Variants in CAMK2N2 observed in about 807,000 individuals in gnomAD.
The protein encoded by CAMK2N2 is calcium/calmodulin-dependent protein kinase II inhibitor 2.
A neutral mutation model predicts 7.8 loss-of-function variants in CAMK2N2; 3 were observed. The observed-to-expected ratio is 0.38, with a 90% CI of 0.18 to 0.99. CAMK2N2 has a LOEUF of 0.99. CAMK2N2 is among the 50% of genes least tolerant of loss of function. The pLI, the probability that CAMK2N2 is intolerant of heterozygous loss-of-function variation, is 0.37. For missense variants in CAMK2N2, 85 were observed against 108.4 expected, an observed-to-expected ratio of 0.78 and a Z score of 0.96; for synonymous variants, 45 against 46.6, an observed-to-expected ratio of 0.97 and a Z score of 0.14.
rs760755093 is a variant in CAMK2N2, at chr3:184,261,246, G to A, written c.40C>T (p.Arg14Cys). The A allele has an allele frequency of 3.1e-6, 5 of 1,599,516 alleles. No homozygotes were observed. The highest frequency in any genetic ancestry group is 4.3e-6 in the Non-Finnish European group (5 of 1,175,148). The change falls in exon 1 of 2, where the codon CGC (arginine) becomes TGC (cysteine). Residue 14 changes from arginine to cysteine, a missense_variant. Transcript: ENST00000296238. The surrounding 1 kb of genome is among the most constrained non-coding windows in gnomAD (Gnocchi z 5.1). Reference sequence around the variant, plus strand: ...GAGCCCTCGGGGTCTGCGCCGAAGCGGCCCATCTTGTCTTCGCTGTAGGGC... The same window carrying A: ...GAGCCCTCGGGGTCTGCGCCGAAGCAGCCCATCTTGTCTTCGCTGTAGGGC... ...ILPYSEDKMG[R>C]FGADPEGSDL...
rs1720031142 is a variant in CAMK2N2, at chr3:184,261,126, C to T, written c.160G>A (p.Ala54Thr). Reference sequence around the variant, plus strand: ...GGCCCGGGCCGCGTACCTCGCTTGGCTCGGCCGATCTGGCCCAGCTTGGGG... The same window carrying T: ...GGCCCGGGCCGCGTACCTCGCTTGGTTCGGCCGATCTGGCCCAGCTTGGGG... ...RPPKLGQIGR[A>T]KRVVIEDDRI... Residue 54 changes from alanine (A) to threonine (T), a missense_variant, in exon 1 of 2, where the codon GCC (alanine) becomes ACC (threonine). Physicochemically the swap from Ala to Thr is moderately conservative, Grantham distance 58. Coordinates refer to ENST00000296238, the MANE Select transcript of CAMK2N2 (RefSeq NM_033259.3). The surrounding 1 kb of genome is among the most constrained non-coding windows in gnomAD (Gnocchi z 5.1). 4.4e-6 allele frequency: 7 copies of T among 1,602,480 alleles called. No homozygotes were observed. In the East Asian group the frequency reaches 1.6e-4, roughly 37 times the overall value.
In CAMK2N2 at chr3:184,260,113, C is replaced by T. The variant is rs1293623732; in HGVS notation, c.*44G>A. On this transcript the variant is annotated 3_prime_UTR_variant, in exon 2 of 2. Coordinates refer to ENST00000296238, the MANE Select transcript of CAMK2N2 (RefSeq NM_033259.3). This position sits in a 1 kb window ranked among gnomAD's most constrained non-coding sequence, Gnocchi z 6.6. The stretch of plus-strand genomic sequence containing the variant: ...CGCATCGCCGGCCCGCGCTCCTGGC[C>T]GCTGCGAGGCTGGGCCCGGAGCCCG... The T allele has an allele frequency of 7.9e-7, 1 of 1,271,132 alleles. No individual in the cohort carries two copies. Among genetic ancestry groups the T allele is most frequent in the Non-Finnish European group, 1.0e-6 (1 of 988,442 alleles). The allele number at this position is 1,271,132 out of a possible 1,614,324, so 78.7% of individuals were successfully genotyped here. A position where few individuals can be genotyped will look rare whatever the true frequency, so the allele number is the denominator to read the frequency against.
In CAMK2N2 at chr3:184,260,042, C is replaced by G. The variant is rs1269463974; in HGVS notation, c.*115G>C. On this transcript the variant is annotated 3_prime_UTR_variant, in exon 2 of 2. Transcript: ENST00000296238. This position sits in a 1 kb window ranked among gnomAD's most constrained non-coding sequence, Gnocchi z 6.6. ...CGGCGGCGGCGGCACGGCCCTGCAG[C>G]CCCCGCCCGCGGGCGCCTGGGCCGG... The G allele has an allele frequency of 2.5e-6, 1 of 395,358 alleles. No individual in the cohort carries two copies. The highest frequency in any genetic ancestry group is 1.7e-4 in the East Asian group (1 of 6,054). 24.5% of individuals were successfully genotyped at this position (395,358 alleles called of 1,614,324 possible).
In CAMK2N2 at chr3:184,259,719, G is replaced by A. The variant is rs1381774076; in HGVS notation, c.*438C>T. On this transcript the variant is annotated 3_prime_UTR_variant, in exon 2 of 2. Transcript: ENST00000296238. Reference sequence around the variant, plus strand: ...ACGGCCCGGAGGACTGGGCTCAAGTGGGTGGAAAGCTCATGCAAGTACGCA... The same window carrying A: ...ACGGCCCGGAGGACTGGGCTCAAGTAGGTGGAAAGCTCATGCAAGTACGCA... 1 of 152,468 alleles carries A rather than the reference G, an allele frequency of 6.6e-6. No individual in the cohort carries two copies. The highest frequency in any genetic ancestry group is 1.5e-5 in the Non-Finnish European group (1 of 68,120). The allele number at this position is 152,468 out of a possible 1,614,324, so 9.4% of individuals were successfully genotyped here.
Position 184,261,063 on chromosome 3 carries a change from C to G in CAMK2N2, c.169+54G>C. 6.7e-7 allele frequency: 1 copy of G among 1,495,338 alleles called. No individual in the cohort carries two copies. The highest frequency in any genetic ancestry group is 1.4e-5 in the African/African-American group (1 of 69,068). The allele number at this position is 1,495,338 out of a possible 1,614,324, so 92.6% of individuals were successfully genotyped here. ...TCGGCGGGGAACGGCAGCCGGGGGG[C>G]GCCCGGCGGAGGGTTTCTGGGTCAG... On this transcript the variant is annotated intron_variant, in intron 1 of 1. Transcript: ENST00000296238. The surrounding 1 kb of genome is among the most constrained non-coding windows in gnomAD (Gnocchi z 5.1).
chr3:184,261,240 C>G lies in CAMK2N2; in HGVS notation c.46G>C (p.Gly16Arg). 1 of 1,600,744 alleles carries G rather than the reference C, an allele frequency of 6.2e-7. No homozygotes were observed. Among genetic ancestry groups the G allele is most frequent in the Middle Eastern group, 1.7e-4 (1 of 5,962 alleles). ...AGGTCGGAGCCCTCGGGGTCTGCGC[C>G]GAAGCGGCCCATCTTGTCTTCGCTG... ...PYSEDKMGRF[G>R]ADPEGSDLSF... Residue 16 changes from glycine to arginine, a missense_variant, in exon 1 of 2, where the codon GGC becomes CGC. Coordinates refer to ENST00000296238, the MANE Select transcript of CAMK2N2 (RefSeq NM_033259.3). The surrounding 1 kb of genome is among the most constrained non-coding windows in gnomAD (Gnocchi z 5.1).
Position 184,260,187 on chromosome 3 carries a change from C to G in CAMK2N2, c.210G>C (p.Gly70=). The G allele has an allele frequency of 3.7e-6, 6 of 1,610,082 alleles. No individual in the cohort carries two copies. The highest frequency in any genetic ancestry group is 5.1e-6 in the Non-Finnish European group (6 of 1,178,286). The change falls in exon 2 of 2, where the codon GGG becomes GGC. Residue 70 remains glycine, a synonymous_variant. Transcript: ENST00000296238. This position sits in a 1 kb window ranked among gnomAD's most constrained non-coding sequence, Gnocchi z 6.6. ...EDDRIDDVLK[G]MGEKPPSGV is the part of the protein sequence containing the mutation. ...CTCCGGACGGCGGCTTCTCCCCCAT[C>G]CCCTTCAGCACGTCGTCTATCCGGT...
chr3:184,260,981 T>G lies in CAMK2N2; in HGVS notation c.169+136A>C. 1 of 922,780 alleles carries G rather than the reference T, an allele frequency of 1.1e-6. No homozygotes were observed. Among genetic ancestry groups the G allele is most frequent in the Non-Finnish European group, 1.5e-6 (1 of 657,212 alleles). The allele number at this position is 922,780 out of a possible 1,614,324, so 57.2% of individuals were successfully genotyped here. On this transcript the variant is annotated intron_variant, in intron 1 of 1. Coordinates refer to ENST00000296238, the MANE Select transcript of CAMK2N2 (RefSeq NM_033259.3). This position sits in a 1 kb window ranked among gnomAD's most constrained non-coding sequence, Gnocchi z 6.6. ...ACACACTGCAGCGGGGACCCCCCCC[T>G]CCAGCCCGGGCTGGAGAGCGGCTGG...
chr3:184,260,361 G>A lies in CAMK2N2; in HGVS notation c.170-134C>T. On this transcript the variant is annotated intron_variant, in intron 1 of 1. Coordinates refer to ENST00000296238, the MANE Select transcript of CAMK2N2 (RefSeq NM_033259.3). The surrounding 1 kb of genome is among the most constrained non-coding windows in gnomAD (Gnocchi z 6.6). ...GCCCCTCGGAACCCTGTGCCGCGGT[G>A]TCCTCCCCGTCCGAACTCTTCTGGA... is the stretch of plus-strand genomic sequence containing the variant. 3 of 722,184 alleles carry A rather than the reference G, an allele frequency of 4.2e-6. No homozygotes were observed. The South Asian group carries it at 5.6e-5, about 13-fold the overall frequency. 44.7% of individuals were successfully genotyped at this position (722,184 alleles called of 1,614,324 possible).
At position 184,260,275 on chromosome 3, in the gene CAMK2N2, G is replaced by A; in HGVS notation, c.170-48C>T. The A allele has an allele frequency of 1.3e-6, 2 of 1,568,352 alleles. No homozygotes were observed. Among genetic ancestry groups the A allele is most frequent in the South Asian group, 2.2e-5 (2 of 90,166 alleles). ...AGCCGCGCGGCCTCGGGGGGCGGCG[G>A]CGATGAGAATGAGCCCCGCGTCCTA... On this transcript the variant is annotated intron_variant, in intron 1 of 1. Transcript: ENST00000296238. This position sits in a 1 kb window ranked among gnomAD's most constrained non-coding sequence, Gnocchi z 6.6.
chr3:184,260,053 G>A lies in CAMK2N2; in HGVS notation c.*104C>T. 9.7e-6 allele frequency: 5 copies of A among 514,482 alleles called. No homozygotes were observed. The highest frequency in any genetic ancestry group is 1.2e-5 in the Non-Finnish European group (5 of 402,938). 31.9% of individuals were successfully genotyped at this position (514,482 alleles called of 1,614,324 possible). On this transcript the variant is annotated 3_prime_UTR_variant, in exon 2 of 2. Transcript: ENST00000296238. The surrounding 1 kb of genome is among the most constrained non-coding windows in gnomAD (Gnocchi z 6.6). Reference sequence around the variant, plus strand: ...GCACGGCCCTGCAGCCCCCGCCCGCGGGCGCCTGGGCCGGGGCGGGGGGGC... The same window carrying A: ...GCACGGCCCTGCAGCCCCCGCCCGCAGGCGCCTGGGCCGGGGCGGGGGGGC...
At position 184,261,001 on chromosome 3, in the gene CAMK2N2, G is replaced by A; in HGVS notation, c.169+116C>T. 2 of 1,102,208 alleles carry A rather than the reference G, an allele frequency of 1.8e-6. No individual in the cohort carries two copies. Among genetic ancestry groups the A allele is most frequent in the Non-Finnish European group, 2.5e-6 (2 of 815,418 alleles). The allele number at this position is 1,102,208 out of a possible 1,614,324, so 68.3% of individuals were successfully genotyped here. On this transcript the variant is annotated intron_variant, in intron 1 of 1. Transcript: ENST00000296238. This position sits in a 1 kb window ranked among gnomAD's most constrained non-coding sequence, Gnocchi z 5.1. ...CCCCCTCCAGCCCGGGCTGGAGAGCGGCTGGTGCGCTGGTCTGCGGCAAGA... is the reference window on the plus strand; with the variant it reads ...CCCCCTCCAGCCCGGGCTGGAGAGCAGCTGGTGCGCTGGTCTGCGGCAAGA...
At position 184,260,439 on chromosome 3, in the gene CAMK2N2, C is replaced by T. The variant is rs947465253; in HGVS notation, c.170-212G>A. On this transcript the variant is annotated intron_variant, in intron 1 of 1. Coordinates refer to ENST00000296238, the MANE Select transcript of CAMK2N2 (RefSeq NM_033259.3). The surrounding 1 kb of genome is among the most constrained non-coding windows in gnomAD (Gnocchi z 6.6). ...CCCTCCCCTCCCGATGGCGGAACGC[C>T]CCTCTTCCAAAGGCTCCAGCTATTC... 1.3e-5 allele frequency among the ~76,000 whole-genome samples: 2 copies of T among 152,202 alleles called. No homozygotes were observed. The highest frequency in any genetic ancestry group is 2.9e-5 in the Non-Finnish European group (2 of 68,034).
chr3:184,260,979 CCT>C lies in CAMK2N2; in HGVS notation c.169+136_169+137del. 10 of 895,618 alleles carry C rather than the reference CCT, an allele frequency of 1.1e-5. No individual in the cohort carries two copies. Among genetic ancestry groups the C allele is most frequent in the Non-Finnish European group, 1.4e-5 (9 of 628,914 alleles). The allele number at this position is 895,618 out of a possible 1,614,324, so 55.5% of individuals were successfully genotyped here. A position where few individuals can be genotyped will look rare whatever the true frequency, so the allele number is the denominator to read the frequency against. Reference sequence around the variant, plus strand: ...ACACACACTGCAGCGGGGACCCCCCCCTCCAGCCCGGGCTGGAGAGCGGCTGG... The same window carrying C: ...ACACACACTGCAGCGGGGACCCCCCCCCAGCCCGGGCTGGAGAGCGGCTGG... On this transcript the variant is annotated intron_variant, in intron 1 of 1. Coordinates refer to ENST00000296238, the MANE Select transcript of CAMK2N2 (RefSeq NM_033259.3). The surrounding 1 kb of genome is among the most constrained non-coding windows in gnomAD (Gnocchi z 6.6).
At position 184,260,121 on chromosome 3, in the gene CAMK2N2, G is replaced by A; in HGVS notation, c.*36C>T. The A allele has an allele frequency of 7.2e-7, 1 of 1,394,106 alleles. No individual in the cohort carries two copies. The highest frequency in any genetic ancestry group is 9.5e-7 in the Non-Finnish European group (1 of 1,057,210). 86.4% of individuals were successfully genotyped at this position (1,394,106 alleles called of 1,614,324 possible). ...CGGCCCGCGCTCCTGGCCGCTGCGA[G>A]GCTGGGCCCGGAGCCCGCCGCCCGA... On this transcript the variant is annotated 3_prime_UTR_variant, in exon 2 of 2. Transcript: ENST00000296238. The surrounding 1 kb of genome is among the most constrained non-coding windows in gnomAD (Gnocchi z 6.6).
Position 184,260,188 on chromosome 3 carries a change from C to T in CAMK2N2, c.209G>A (p.Gly70Glu). 6.2e-7 allele frequency: 1 copy of T among 1,610,224 alleles called. No individual in the cohort carries two copies. Among genetic ancestry groups the T allele is most frequent in the Non-Finnish European group, 8.5e-7 (1 of 1,178,358 alleles). ...EDDRIDDVLK[G>E]MGEKPPSGV ...TCCGGACGGCGGCTTCTCCCCCATC[C>T]CCTTCAGCACGTCGTCTATCCGGTC... The change falls in exon 2 of 2, where the codon GGG becomes GAG. Residue 70 changes from glycine (G) to glutamate (E), a missense_variant. Gly to Glu is a moderately conservative substitution (Grantham distance 98). Transcript: ENST00000296238. This position sits in a 1 kb window ranked among gnomAD's most constrained non-coding sequence, Gnocchi z 6.6.
At position 184,260,758 on chromosome 3, in the gene CAMK2N2, C is replaced by A. The variant is rs986316485; in HGVS notation, c.169+359G>T. On this transcript the variant is annotated intron_variant, in intron 1 of 1. Coordinates refer to ENST00000296238, the MANE Select transcript of CAMK2N2 (RefSeq NM_033259.3). The surrounding 1 kb of genome is among the most constrained non-coding windows in gnomAD (Gnocchi z 6.6). ...CTCTTGTTAGACGTCCCTCTCGACC[C>A]GAAGGTTCTTCGTATTGTCCACCGA... Among the ~76,000 whole-genome samples the A allele has an allele frequency of 6.6e-5, 10 of 152,210 alleles. No homozygotes were observed. The highest frequency in any genetic ancestry group is 1.2e-4 in the African/African-American group (5 of 41,456).
At position 184,260,090 on chromosome 3, in the gene CAMK2N2, C is replaced by T; in HGVS notation, c.*67G>A. On this transcript the variant is annotated 3_prime_UTR_variant, in exon 2 of 2. Coordinates refer to ENST00000296238, the MANE Select transcript of CAMK2N2 (RefSeq NM_033259.3). This position sits in a 1 kb window ranked among gnomAD's most constrained non-coding sequence, Gnocchi z 6.6. ...CGGGGCGGGGGGGCGCCGGCAGCCG[C>T]ATCGCCGGCCCGCGCTCCTGGCCGC... The T allele has an allele frequency of 1.1e-6, 1 of 930,340 alleles. No homozygotes were observed. Among genetic ancestry groups the T allele is most frequent in the African/African-American group, 1.8e-5 (1 of 55,802 alleles). The allele number at this position is 930,340 out of a possible 1,614,324, so 57.6% of individuals were successfully genotyped here.
In CAMK2N2 at chr3:184,261,296, G is replaced by C; in HGVS notation, c.-11C>G. ...CAGGATCTCGGACATGGCGGGCGCG[G>C]GGTGGGCGCGGGGCGGGAGCGGGAC... is the stretch of plus-strand genomic sequence containing the variant. On this transcript the variant is annotated 5_prime_UTR_variant, in exon 1 of 2. Transcript: ENST00000296238. The surrounding 1 kb of genome is among the most constrained non-coding windows in gnomAD (Gnocchi z 5.1). 2 of 1,507,930 alleles carry C rather than the reference G, an allele frequency of 1.3e-6. No individual in the cohort carries two copies. Among genetic ancestry groups the C allele is most frequent in the Non-Finnish European group, 1.8e-6 (2 of 1,134,840 alleles). 93.4% of individuals were successfully genotyped at this position (1,507,930 alleles called of 1,614,324 possible).
Sources: allele counts gnomAD v4.1 joint callset (sites outside exome capture counted in the v4.1 genomes callset), GRCh38; gene constraint gnomAD v4.1.1; non-coding constraint Gnocchi (gnomAD v3.1); transcripts MANE v1.5; gene names NCBI Gene and HGNC (gene_info 2026-07-23, HGNC 2026-07-21).